Variants in DAB1 observed in about 807,000 individuals in gnomAD.
The protein encoded by DAB1 is disabled homolog 1.
Under a neutral mutation model 64.6 loss-of-function variants are expected in DAB1, and 15 were observed. The ratio of observed to expected loss-of-function variants is 0.23; its 90% CI spans 0.16 to 0.36. The LOEUF (loss-of-function observed/expected upper bound fraction) is 0.36, where lower values mean the gene tolerates loss of function less well. Ranked by LOEUF, DAB1 falls within the 10% of genes least tolerant of loss-of-function variation. The pLI is 1.00. For missense variants in DAB1, 596 were observed against 706.7 expected, an observed-to-expected ratio of 0.84 and a Z score of 1.78; for synonymous variants, 235 against 251.9, an observed-to-expected ratio of 0.93 and a Z score of 0.64.
At chr1:57,184,927 C>T (rs1460682676) in intron 2 of DAB1, among the ~76,000 whole-genome samples, 3 of 152,144 alleles carry the variant, frequency 2.0e-5, no homozygotes, top group Admixed American at 2.0e-4. Context: ...TAACTGAGCA[C>T]ATGGACCCCG....
At chr1:57,705,045 T>C (rs1646951247) in intron 6 of DAB1, among the ~76,000 whole-genome samples, 1 of 152,106 alleles carries the variant, frequency 6.6e-6, no homozygotes, top group Non-Finnish European at 1.5e-5. Context: ...TAGTACTAAA[T>C]TATAAGAGCA....
At chr1:58,323,499 C>T (rs1348696996) in intron 4 of DAB1, among the ~76,000 whole-genome samples, 1 of 152,036 alleles carries the variant, frequency 6.6e-6, no homozygotes. Flanking sequence ...CACGGAAAGG[C>T]CTCCTTAAGA....
intron 1 of DAB1, among the ~76,000 whole-genome samples, chr1:57,871,239 T>C (rs1247442008): frequency 6.6e-6 from 1 of 151,402 alleles, no homozygotes; most frequent in Non-Finnish European, 1.5e-5. Flanking sequence ...TAACATCTGA[T>C]GACAGAAATA....
chr1:57,730,161 T>C (rs1647348522), intron 6 of DAB1, among the ~76,000 whole-genome samples: 1 of 152,226 alleles, frequency 6.6e-6, no homozygotes, highest in African/African-American at 2.4e-5. Context: ...CAGACAATGC[T>C]TGTCATTGGG....
At chr1:57,748,542 G>A (rs992027173) in intron 6 of DAB1, among the ~76,000 whole-genome samples, 11 of 152,072 alleles carry the variant, frequency 7.2e-5, no homozygotes, top group Non-Finnish European at 7.4e-5. Flanking sequence ...GATATCACTA[G>A]TGTTGTCACA....
chr1:58,124,484 T>C (rs1041782967), intron 5 of DAB1, among the ~76,000 whole-genome samples: 1 of 152,202 alleles, frequency 6.6e-6, no homozygotes, highest in Non-Finnish European at 1.5e-5. Context: ...TGTGTTTGCA[T>C]GACTGTGCTT....
At chr1:58,429,410 G>A (rs959012280) in intron 3 of DAB1, among the ~76,000 whole-genome samples, 2 of 152,196 alleles carry the variant, frequency 1.3e-5, no homozygotes, top group Non-Finnish European at 2.9e-5. Flanking sequence ...CAGGAATTGA[G>A]GAGAAACTAG....
At chr1:58,503,853 A>AT (rs1645945855) in intron 3 of DAB1, among the ~76,000 whole-genome samples, 1 of 152,204 alleles carries the variant, frequency 6.6e-6, no homozygotes, top group Admixed American at 6.5e-5. Flanking sequence ...ACAAACTAAA[A>AT]TAGGTGTTAA....
chr1:58,399,225 C>T (rs753364508), intron 3 of DAB1, among the ~76,000 whole-genome samples: 14 of 152,168 alleles, frequency 9.2e-5, no homozygotes, highest in Non-Finnish European at 1.5e-4. Context: ...CAAAATAATG[C>T]ATTGTTTCTT....
chr1:57,794,868 T>A (rs12034235), intron 6 of DAB1, among the ~76,000 whole-genome samples: 98,907 of 152,124 alleles, frequency 0.65, 32,827 homozygotes, highest in African/African-American at 0.78. Flanking sequence ...GACCCATGGC[T>A]ATAGATATCT....
intron 4 of DAB1, among the ~76,000 whole-genome samples, chr1:58,189,902 C>T (rs1657293302): frequency 6.6e-6 from 1 of 152,186 alleles, no homozygotes; most frequent in Non-Finnish European, 1.5e-5. Context: ...ATTGGCTTCA[C>T]CTGACATGAA....
intron 5 of DAB1, among the ~76,000 whole-genome samples, chr1:57,921,999 C>T (rs1388405567): frequency 6.6e-6 from 1 of 152,190 alleles, no homozygotes; most frequent in East Asian, 1.9e-4. Context: ...AAAGGAACTT[C>T]CCATATAAAA....
intron 4 of DAB1, among the ~76,000 whole-genome samples, chr1:58,268,139 C>T (rs1661218243): frequency 1.3e-5 from 2 of 152,102 alleles, no homozygotes; most frequent in South Asian, 2.1e-4. Flanking sequence ...CTTAAGTTTC[C>T]TCACCTATAA....
At chr1:57,902,173 G>A (rs981495392) in intron 5 of DAB1, among the ~76,000 whole-genome samples, 301 of 140,004 alleles carry the variant, frequency 2.1e-3, no homozygotes, top group African/African-American at 5.9e-3. Flanking sequence ...AAAAAAAAAA[G>A]AAAGAAACTA....
intron 2 of DAB1, among the ~76,000 whole-genome samples, chr1:58,522,267 A>G (rs756484358): frequency 6.6e-6 from 1 of 152,198 alleles, no homozygotes; most frequent in Non-Finnish European, 1.5e-5. Flanking sequence ...ACTGTGACAC[A>G]TATTTATTAA....
At chr1:58,148,507 G>C (rs535459706) in intron 5 of DAB1, among the ~76,000 whole-genome samples, 1 of 152,258 alleles carries the variant, frequency 6.6e-6, no homozygotes, top group South Asian at 2.1e-4. Context: ...TGACCACTAA[G>C]CTTCCTTTCG....
chr1:57,417,195 G>T (rs1258160460), intron 1 of DAB1, among the ~76,000 whole-genome samples: 2 of 152,284 alleles, frequency 1.3e-5, no homozygotes, highest in East Asian at 3.9e-4. Flanking sequence ...TTAGCTGAGT[G>T]GTAGGTACAA....
At chr1:58,191,278 A>G (rs963492883) in intron 4 of DAB1, among the ~76,000 whole-genome samples, 2 of 152,208 alleles carry the variant, frequency 1.3e-5, no homozygotes, top group African/African-American at 4.8e-5. Flanking sequence ...TAAGGTAAGT[A>G]CTGTTATTAT....
chr1:57,044,171 T>G (rs1189378500), intron 9 of DAB1, among the ~76,000 whole-genome samples: 1 of 152,236 alleles, frequency 6.6e-6, no homozygotes, highest in African/African-American at 2.4e-5. Flanking sequence ...GCCCCAGCTC[T>G]TGTTCATTGC....
Sources: gnomAD v4.1 joint callset for allele counts (sites outside exome capture counted in the v4.1 genomes callset) on GRCh38, gnomAD v4.1.1 for gene constraint, MANE v1.5 for transcripts, NCBI Gene and HGNC (gene_info 2026-07-23, HGNC 2026-07-21) for gene names.